Variants in INPP4B observed in about 807,000 individuals in gnomAD.
INPP4B encodes inositol polyphosphate-4-phosphatase type II B, also known as inositol polyphosphate 4-phosphatase type II.
A neutral mutation model predicts 122.5 loss-of-function variants in INPP4B; 55 were observed. The ratio of observed to expected loss-of-function variants is 0.45; its 90% CI spans 0.36 to 0.56. The LOEUF (loss-of-function observed/expected upper bound fraction) is 0.56, where lower values mean the gene tolerates loss of function less well. INPP4B is among the 20% of genes least tolerant of loss of function. INPP4B has a pLI of 0.00. For synonymous variants in INPP4B, 403 were observed against 388.7 expected (o/e 1.04, Z -0.43); for missense variants, 1,000 against 1,097.7 (o/e 0.91, Z 1.26).
chr4:142,443,798 A>T (rs1228528177), intron 3 of INPP4B, among the ~76,000 whole-genome samples: 6 of 152,092 alleles, frequency 3.9e-5, no homozygotes, highest in Admixed American at 3.9e-4. Context: ...AGCACAATTT[A>T]ATATTAAAGT....
At chr4:142,707,151 T>C (rs1439645156) in intron 2 of INPP4B, among the ~76,000 whole-genome samples, 3 of 152,202 alleles carry the variant, frequency 2.0e-5, no homozygotes, top group African/African-American at 7.2e-5. Flanking sequence ...TCAACCACTC[T>C]TGACATACAC....
chr4:142,080,716 A>G (rs1028339452), intron 25 of INPP4B, among the ~76,000 whole-genome samples: 1 of 152,100 alleles, frequency 6.6e-6, no homozygotes, highest in Non-Finnish European at 1.5e-5. Context: ...AGGCACACCA[A>G]TTTCATCTTC....
chr4:142,053,585 T>C (rs1241407568), intron 25 of INPP4B, among the ~76,000 whole-genome samples: 1 of 41,648 alleles, frequency 2.4e-5, no homozygotes, highest in Non-Finnish European at 9.5e-5. Flanking sequence ...ATTGTACCTG[T>C]AGTCATGGCC....
intron 2 of INPP4B, among the ~76,000 whole-genome samples, chr4:142,648,203 C>T (rs1752202969): frequency 6.6e-6 from 1 of 152,214 alleles, no homozygotes; most frequent in South Asian, 2.1e-4. Context: ...AAGTGCCTTC[C>T]AAGATGGCCA....
chr4:142,132,080 T>C (rs1289129619), intron 18 of INPP4B, among the ~76,000 whole-genome samples: 1 of 152,214 alleles, frequency 6.6e-6, no homozygotes, highest in Non-Finnish European at 1.5e-5. Flanking sequence ...GAAAGTTAAG[T>C]AATTTTTCGA....
At chr4:142,803,649 T>TTAA in intron 1 of INPP4B, among the ~76,000 whole-genome samples, 1 of 138,992 alleles carries the variant, frequency 7.2e-6, no homozygotes, top group Non-Finnish European at 1.6e-5. Context: ...CAATAAAACT[T>TTAA]AAAAAAAAAA....
At chr4:142,246,112 A>G (rs1728643330) in intron 11 of INPP4B, among the ~76,000 whole-genome samples, 1 of 148,470 alleles carries the variant, frequency 6.7e-6, no homozygotes, top group Non-Finnish European at 1.5e-5. Context: ...ACACACATAT[A>G]TATATGTGTA....
At chr4:142,827,050 T>C (rs764854244) in intron 1 of INPP4B, among the ~76,000 whole-genome samples, 1 of 152,336 alleles carries the variant, frequency 6.6e-6, no homozygotes, top group East Asian at 1.9e-4. Context: ...CCTGCCATAC[T>C]GTGCCTAATA....
At chr4:142,645,608 G>A (rs1426874870) in intron 2 of INPP4B, among the ~76,000 whole-genome samples, 2 of 152,150 alleles carry the variant, frequency 1.3e-5, no homozygotes, top group Non-Finnish European at 2.9e-5. Context: ...GAGTTGAGCT[G>A]CAGAGATATT....
chr4:142,795,564 G>A (rs1417467626), intron 1 of INPP4B: 2 of 151,918 alleles, frequency 1.3e-5, no homozygotes, highest in African/African-American at 4.8e-5. Flanking sequence ...CCTTTTTAAA[G>A]CTGTTTTTCA....
intron 23 of INPP4B, among the ~76,000 whole-genome samples, chr4:142,098,660 G>A (rs1006507765): frequency 6.6e-6 from 1 of 152,036 alleles, no homozygotes; most frequent in African/African-American, 2.4e-5. Context: ...GCGACTCAAG[G>A]GTGGCTATTT....
intron 1 of INPP4B, among the ~76,000 whole-genome samples, chr4:142,815,298 G>A (rs956343316): frequency 2.0e-5 from 3 of 152,096 alleles, no homozygotes; most frequent in African/African-American, 7.2e-5. Flanking sequence ...AAAAACTAAA[G>A]AAATCTGAAT....
At chr4:142,295,533 C>A (rs560753848) in intron 9 of INPP4B, among the ~76,000 whole-genome samples, 2 of 152,170 alleles carry the variant, frequency 1.3e-5, no homozygotes, top group South Asian at 4.1e-4. Context: ...TCTTCTAAAT[C>A]AGCATTTTCT....
chr4:142,522,623 G>C (rs1364151291), intron 2 of INPP4B, among the ~76,000 whole-genome samples: 4 of 151,988 alleles, frequency 2.6e-5, no homozygotes, highest in Non-Finnish European at 2.9e-5. Context: ...TGAGAGAAGG[G>C]AGACGGTTTA....
At chr4:142,042,993 T>C (rs974447716) in intron 25 of INPP4B, among the ~76,000 whole-genome samples, 2 of 152,182 alleles carry the variant, frequency 1.3e-5, no homozygotes, top group African/African-American at 4.8e-5. Flanking sequence ...TTACCAGTGT[T>C]GTATATTCTC....
chr4:142,413,195 T>C (rs2149257356), intron 5 of INPP4B, among the ~76,000 whole-genome samples: 1 of 152,276 alleles, frequency 6.6e-6, no homozygotes, highest in South Asian at 2.1e-4. Flanking sequence ...TCTTCTGTCT[T>C]TTAAGGCACT....
intron 10 of INPP4B, among the ~76,000 whole-genome samples, chr4:142,266,792 G>A (rs918687778): frequency 6.6e-6 from 1 of 151,780 alleles, no homozygotes; most frequent in East Asian, 1.9e-4. Flanking sequence ...TGCTAATAAC[G>A]TGATCTTTTA....
At chr4:142,711,835 G>A (rs1352677294) in intron 2 of INPP4B, among the ~76,000 whole-genome samples, 1 of 152,082 alleles carries the variant, frequency 6.6e-6, no homozygotes, top group African/African-American at 2.4e-5. Flanking sequence ...ATCACTTGAG[G>A]CCAGGAGTTC....
chr4:142,775,957 T>C (rs1376687886), intron 1 of INPP4B, among the ~76,000 whole-genome samples: 1 of 152,166 alleles, frequency 6.6e-6, no homozygotes, highest in Non-Finnish European at 1.5e-5. Flanking sequence ...GATATGATCA[T>C]ACAATGTTTC....
Sources: allele counts gnomAD v4.1 joint callset (sites outside exome capture counted in the v4.1 genomes callset), GRCh38; gene constraint gnomAD v4.1.1; transcripts MANE v1.5; gene names NCBI Gene and HGNC (gene_info 2026-07-23, HGNC 2026-07-21).